Variants in BLTP3B observed in about 807,000 individuals in gnomAD.
BLTP3B encodes bridge-like lipid transfer protein family member 3B.
the BLTP3B span, among the ~76,000 whole-genome samples, chr12:100,061,727 G>C: frequency 1.3e-5 from 2 of 151,164 alleles, no homozygotes; most frequent in Non-Finnish European, 2.9e-5. Context: ...AAACAGATTA[G>C]TATGTAGTTA....
At chr12:100,046,507 A>G in the BLTP3B span, among the ~76,000 whole-genome samples, 1 of 150,692 alleles carries the variant, frequency 6.6e-6, no homozygotes, top group African/African-American at 2.4e-5. Flanking sequence ...GTTCTCACTC[A>G]TAAGTGGGAG....
the BLTP3B span, among the ~76,000 whole-genome samples, chr12:100,118,300 G>A: frequency 6.6e-6 from 1 of 152,078 alleles, no homozygotes; most frequent in Non-Finnish European, 1.5e-5. Context: ...GCTGAGGCAG[G>A]AGGACTGCTT....
the BLTP3B span, among the ~76,000 whole-genome samples, chr12:100,140,507 A>AC: frequency 6.6e-6 from 1 of 151,574 alleles, no homozygotes; most frequent in African/African-American, 2.4e-5. Flanking sequence ...GGAGTTTGAG[A>AC]CCAGCCTAAC....
chr12:100,131,500 T>A, the BLTP3B span, among the ~76,000 whole-genome samples: 1 of 152,198 alleles, frequency 6.6e-6, no homozygotes, highest in East Asian at 1.9e-4. Context: ...TAAATATGCA[T>A]AAAGTTCAAA....
the BLTP3B span, chr12:100,050,361 C>A: frequency 6.6e-7 from 1 of 1,525,838 alleles, no homozygotes. Flanking sequence ...CCAAGCAGTT[C>A]AAAACAAAAT....
At chr12:100,106,552 G>T in the BLTP3B span, among the ~76,000 whole-genome samples, 1 of 152,022 alleles carries the variant, frequency 6.6e-6, no homozygotes, top group African/African-American at 2.4e-5. Flanking sequence ...GTGAACTATG[G>T]GTATGCAAAG....
At chr12:100,128,584 G>A in the BLTP3B span, 1 of 1,252,010 alleles carries the variant, frequency 8.0e-7, no homozygotes, top group African/African-American at 1.5e-5. Context: ...TATTACCTGA[G>A]GGCAGGAAAT....
the BLTP3B span, among the ~76,000 whole-genome samples, chr12:100,043,321 A>T: frequency 6.6e-6 from 1 of 152,148 alleles, no homozygotes; most frequent in Non-Finnish European, 1.5e-5. Flanking sequence ...TAGTCATTCC[A>T]TCACCACTTG....
At chr12:100,125,979 T>C in the BLTP3B span, among the ~76,000 whole-genome samples, 1 of 152,070 alleles carries the variant, frequency 6.6e-6, no homozygotes, top group Admixed American at 6.6e-5. Flanking sequence ...AACAGTAAAG[T>C]AGATATCCAG....
the BLTP3B span, among the ~76,000 whole-genome samples, chr12:100,118,322 G>A: frequency 6.6e-6 from 1 of 152,074 alleles, no homozygotes; most frequent in East Asian, 1.9e-4. Context: ...AGCCCAGGAG[G>A]TTGAGGCTGC....
chr12:100,050,138 T>C, the BLTP3B span: 1 of 1,446,548 alleles, frequency 6.9e-7, no homozygotes, highest in Non-Finnish European at 9.1e-7. Flanking sequence ...AACCATTGTA[T>C]ATGAAAAATA....
chr12:100,123,401 A>C, the BLTP3B span, among the ~76,000 whole-genome samples: 1 of 152,200 alleles, frequency 6.6e-6, no homozygotes, highest in Admixed American at 6.5e-5. Context: ...TCCTCTGCTC[A>C]CACAACAATA....
At chr12:100,072,064 C>T in the BLTP3B span, among the ~76,000 whole-genome samples, 1 of 152,142 alleles carries the variant, frequency 6.6e-6, no homozygotes, top group African/African-American at 2.4e-5. Flanking sequence ...AGTTCAAGAT[C>T]AGCCTGGCCA....
chr12:100,081,959 C>CT, the BLTP3B span, among the ~76,000 whole-genome samples: 1 of 152,110 alleles, frequency 6.6e-6, no homozygotes, highest in Non-Finnish European at 1.5e-5. Context: ...ATTGGTAGTT[C>CT]TTTTTTAAAT....
the BLTP3B span, among the ~76,000 whole-genome samples, chr12:100,130,992 A>G: frequency 7.1e-5 from 5 of 70,546 alleles, no homozygotes; most frequent in Non-Finnish European, 1.3e-4. Flanking sequence ...GGAGAGAGAG[A>G]GAGAGAGAGA....
At chr12:100,043,031 T>A in the BLTP3B span, among the ~76,000 whole-genome samples, 1 of 152,188 alleles carries the variant, frequency 6.6e-6, no homozygotes, top group Non-Finnish European at 1.5e-5. Flanking sequence ...ACTCTCGACC[T>A]TAGGTGATCC....
At chr12:100,094,720 C>T in the BLTP3B span, among the ~76,000 whole-genome samples, 1,424 of 152,256 alleles carry the variant, frequency 9.4e-3, 9 homozygotes, top group Non-Finnish European at 0.015. Context: ...ATTAGCTCAG[C>T]GAGGTGGCAC....
chr12:100,106,472 T>C, the BLTP3B span, among the ~76,000 whole-genome samples: 229 of 152,298 alleles, frequency 1.5e-3, 2 homozygotes, highest in South Asian at 3.1e-3. Context: ...TGAAAAGAAC[T>C]GGAGGCCATT....
chr12:100,070,270 T>C, the BLTP3B span: 1 of 1,338,680 alleles, frequency 7.5e-7, no homozygotes, highest in Middle Eastern at 2.2e-4. Context: ...GCCAGAAGGT[T>C]TTTTATTTTT....
Sources: gnomAD v4.1 joint callset for allele counts (sites outside exome capture counted in the v4.1 genomes callset) on GRCh38, gnomAD v4.1.1 for gene constraint, MANE v1.5 for transcripts, NCBI Gene and HGNC (gene_info 2026-07-23, HGNC 2026-07-21) for gene names.